FGGY: variants seen among roughly 807,000 people sequenced by gnomAD.
FGGY encodes FGGY carbohydrate kinase domain containing.
Under a neutral mutation model 71.3 loss-of-function variants are expected in FGGY, and 72 were observed. That is an observed-to-expected ratio of 1.01 (90% CI 0.84 to 1.23). FGGY has a LOEUF of 1.23. Among genes scored for constraint, FGGY ranks in the 50% most tolerant of loss-of-function variants. The pLI, the probability that FGGY is intolerant of heterozygous loss-of-function variation, is 0.00. For synonymous variants in FGGY, 251 were observed against 250.3 expected, an observed-to-expected ratio of 1.00 and a Z score of -0.02; for missense variants, 668 against 682.3, an observed-to-expected ratio of 0.98 and a Z score of 0.23.
intron 12 of FGGY, among the ~76,000 whole-genome samples, chr1:59,665,982 A>G (rs977988052): frequency 1.3e-5 from 2 of 152,048 alleles, no homozygotes; most frequent in East Asian, 1.9e-4. Context: ...CCAAAACCCT[A>G]TTCCTTACCT....
intron 4 of FGGY, among the ~76,000 whole-genome samples, chr1:59,373,109 G>A (rs2057997420): frequency 6.6e-6 from 1 of 152,072 alleles, no homozygotes; most frequent in African/African-American, 2.4e-5. Flanking sequence ...AGGAAAAGAG[G>A]AAGTCAAATT....
chr1:59,308,647 A>G (rs953144374), intron 1 of FGGY, among the ~76,000 whole-genome samples: 1 of 152,120 alleles, frequency 6.6e-6, no homozygotes, highest in Non-Finnish European at 1.5e-5. Flanking sequence ...GAGTCACTGG[A>G]GCTGGAAGGG....
At chr1:59,540,839 G>A (rs905321292) in intron 7 of FGGY, among the ~76,000 whole-genome samples, 8 of 152,006 alleles carry the variant, frequency 5.3e-5, no homozygotes, top group Admixed American at 4.6e-4. Context: ...GTGAAGTCAG[G>A]GTGTGTCACT....
At chr1:59,736,299 C>T (rs35934151) in intron 14 of FGGY, among the ~76,000 whole-genome samples, 9,308 of 152,060 alleles carry the variant, frequency 0.061, 396 homozygotes, top group South Asian at 0.16. Context: ...AAATTGGCAC[C>T]GGGAGTGGGG....
chr1:59,758,133 A>T (rs2098310552), intron 15 of FGGY, 141 bp downstream of exon 15: 4 of 558,912 alleles, frequency 7.2e-6, no homozygotes, highest in Non-Finnish European at 1.2e-5. Flanking sequence ...AGTTCCAGGG[A>T]GGTAATGTCA....
chr1:59,512,089 AGTTCCTTGTTT>A (rs2094532516), intron 6 of FGGY, among the ~76,000 whole-genome samples: 1 of 152,170 alleles, frequency 6.6e-6, no homozygotes, highest in Non-Finnish European at 1.5e-5. Flanking sequence ...GATGCTTTAG[AGTTCCTTGTTT>A]GTAAAGCTCC....
chr1:59,599,595 G>T (rs2153807159), intron 8 of FGGY, among the ~76,000 whole-genome samples: 1 of 150,418 alleles, frequency 6.6e-6, no homozygotes, highest in African/African-American at 2.4e-5. Flanking sequence ...TTGGGAGGCT[G>T]AGGCAGGAGA....
intron 8 of FGGY, among the ~76,000 whole-genome samples, chr1:59,598,043 G>A (rs182005070): frequency 6.6e-6 from 1 of 152,270 alleles, no homozygotes; most frequent in East Asian, 1.9e-4. Flanking sequence ...TCTCTCCCCT[G>A]CACCCACTCT....
At chr1:59,732,884 T>C (rs770727222) in intron 14 of FGGY, among the ~76,000 whole-genome samples, 12 of 152,058 alleles carry the variant, frequency 7.9e-5, no homozygotes, top group Admixed American at 1.3e-4. Flanking sequence ...TTAGACAGAA[T>C]TCCAAAACCC....
chr1:59,480,396 C>T (rs1255446812), intron 6 of FGGY, among the ~76,000 whole-genome samples: 1 of 152,110 alleles, frequency 6.6e-6, no homozygotes, highest in Non-Finnish European at 1.5e-5. Context: ...AGTCCATGTT[C>T]CAGGAAGAAG....
intron 14 of FGGY, among the ~76,000 whole-genome samples, chr1:59,736,625 A>T (rs2098106860): frequency 6.6e-6 from 1 of 152,166 alleles, no homozygotes; most frequent in African/African-American, 2.4e-5. Context: ...CTTGAGAGAG[A>T]TGATTTAGGG....
At chr1:59,591,601 A>G (rs530869966) in intron 8 of FGGY, among the ~76,000 whole-genome samples, 28 of 152,300 alleles carry the variant, frequency 1.8e-4, no homozygotes, top group Middle Eastern at 3.4e-3. Flanking sequence ...ATATAGACCA[A>G]TGTAACAGGA....
chr1:59,361,807 G>A (rs747547540), intron 4 of FGGY, among the ~76,000 whole-genome samples: 50 of 152,188 alleles, frequency 3.3e-4, no homozygotes, highest in Non-Finnish European at 5.4e-4. Flanking sequence ...GGCAGACAGA[G>A]CAGCTCTCCT....
At chr1:59,446,059 A>G (rs1440508021) in intron 5 of FGGY, among the ~76,000 whole-genome samples, 1 of 152,304 alleles carries the variant, frequency 6.6e-6, no homozygotes, top group African/African-American at 2.4e-5. Flanking sequence ...TAAAATTTCT[A>G]TGCATAATGC....
chr1:59,638,188 C>T, intron 10 of FGGY, 40 bp from the exon 11 acceptor site: 1 of 1,598,320 alleles, frequency 6.3e-7, no homozygotes, highest in East Asian at 2.2e-5. Flanking sequence ...GCTCCCTGAC[C>T]CTATCCCCCC....
At chr1:59,595,682 T>TC (rs1213341252) in intron 8 of FGGY, among the ~76,000 whole-genome samples, 1 of 151,948 alleles carries the variant, frequency 6.6e-6, no homozygotes, top group Non-Finnish European at 1.5e-5. Context: ...AGAGTGAGAC[T>TC]CCATCTCAAA....
chr1:59,425,258 A>G (rs1356069459), intron 5 of FGGY, among the ~76,000 whole-genome samples: 1 of 152,240 alleles, frequency 6.6e-6, no homozygotes, highest in Non-Finnish European at 1.5e-5. Flanking sequence ...GTAACATTTG[A>G]TTAAATTTGC....
chr1:59,755,535 A>G (rs143129149), intron 14 of FGGY: 14 of 152,320 alleles, frequency 9.2e-5, no homozygotes, highest in African/African-American at 3.1e-4. Context: ...AAAAAATCTC[A>G]GTAGAGCTGA....
intron 9 of FGGY, among the ~76,000 whole-genome samples, chr1:59,613,482 G>A (rs1408371496): frequency 6.6e-6 from 1 of 152,068 alleles, no homozygotes; most frequent in Non-Finnish European, 1.5e-5. Flanking sequence ...AGAATCTCTG[G>A]GACACCTTCA....
Sources: gnomAD v4.1 joint callset for allele counts (sites outside exome capture counted in the v4.1 genomes callset) on GRCh38, gnomAD v4.1.1 for gene constraint, MANE v1.5 for transcripts, NCBI Gene and HGNC (gene_info 2026-07-23, HGNC 2026-07-21) for gene names.